The following PTPN12 variants were observed in gnomAD, a reference collection of about 807,000 sequenced individuals.
The protein encoded by PTPN12 is protein tyrosine phosphatase non-receptor type 12, also known as tyrosine-protein phosphatase non-receptor type 12.
PTPN12 carries 29 observed loss-of-function variants against 97.6 expected under a neutral mutation model. The ratio of observed to expected loss-of-function variants is 0.30; its 90% CI spans 0.22 to 0.41. The LOEUF (loss-of-function observed/expected upper bound fraction) is 0.41. Among genes scored for constraint, PTPN12 ranks in the 10% least tolerant of loss-of-function variants. The pLI is 1.00. For synonymous variants in PTPN12, 327 were observed against 300.4 expected, an observed-to-expected ratio of 1.09 and a Z score of -0.91; for missense variants, 819 against 926.0, an observed-to-expected ratio of 0.88 and a Z score of 1.50.
At chr7:77,611,564 C>T (rs1175789009) in intron 11 of PTPN12, among the ~76,000 whole-genome samples, 2 of 152,212 alleles carry the variant, frequency 1.3e-5, no homozygotes, top group East Asian at 3.9e-4. Flanking sequence ...CCTGCCTCAG[C>T]CTCCTGAGTA....
chr7:77,634,743 T>C (rs1404373338), intron 14 of PTPN12, among the ~76,000 whole-genome samples: 2 of 149,830 alleles, frequency 1.3e-5, no homozygotes, highest in Non-Finnish European at 3.0e-5. Context: ...GCCCGGCTAA[T>C]TTTTTTGTAT....
At position 77,551,551 on chromosome 7, in the gene PTPN12, A is replaced by T. The variant is rs183136388; in HGVS notation, c.99+13906A>T. On this transcript the variant is annotated intron_variant, in intron 1 of 17. Coordinates refer to ENST00000248594, the MANE Select transcript of PTPN12 (RefSeq NM_002835.4). The stretch of plus-strand genomic sequence containing the variant: ...TCAGTTAGGGCAAGTGACAAGATGA[A>T]TTTTTTTCTCAAAAATCAATGTGGA... Among the ~76,000 whole-genome samples the T allele has an allele frequency of 6.1e-3, 936 of 152,200 alleles. 5 individuals are homozygous for T. Among genetic ancestry groups the T allele is most frequent in the Middle Eastern group, 0.037 (11 of 294 alleles).
At chr7:77,574,187 A>T (rs1040809657) in intron 2 of PTPN12, among the ~76,000 whole-genome samples, 48 of 152,246 alleles carry the variant, frequency 3.2e-4, no homozygotes, top group African/African-American at 1.1e-3. Flanking sequence ...TGTTATTGAG[A>T]GTGTGGTTCG....
At chr7:77,552,093 A>G (rs1312714893) in intron 1 of PTPN12, among the ~76,000 whole-genome samples, 3 of 152,228 alleles carry the variant, frequency 2.0e-5, no homozygotes, top group Admixed American at 6.5e-5. Flanking sequence ...TTTTAAAATT[A>G]CTTTATAATT....
rs768225925 is a variant in PTPN12 at position 77,626,992 on chromosome 7, T to G, written c.1313T>G (p.Ile438Ser). The change falls in exon 13 of 18, where the codon ATT becomes AGT. Residue 438 changes from isoleucine to serine, a missense_variant. Coordinates refer to ENST00000248594, the MANE Select transcript of PTPN12 (RefSeq NM_002835.4). The stretch of plus-strand genomic sequence containing the variant: ...TTGGAACGAAATTTAAGTTTTGAGA[T>G]TAAGAAGGTCCCTCTCCAAGAGGGA... ...KKLERNLSFE[I>S]KKVPLQEGPK... The G allele has an allele frequency of 1.1e-5, 18 of 1,609,598 alleles. No individual in the cohort carries two copies. In the South Asian group the frequency reaches 1.4e-4, roughly 13 times the overall value.
chr7:77,607,031 A>C (rs1029520062), intron 8 of PTPN12: 3 of 386,722 alleles, frequency 7.8e-6, no homozygotes, highest in African/African-American at 4.2e-5. Flanking sequence ...ATATAGGAAA[A>C]ATCATAGTGT....
chr7:77,623,927 T>G (rs995536320), intron 12 of PTPN12, among the ~76,000 whole-genome samples: 2 of 152,132 alleles, frequency 1.3e-5, no homozygotes, highest in African/African-American at 4.8e-5. Context: ...TATTTTTGTT[T>G]TAGATCGCAA....
At chr7:77,605,960 T>TA in intron 8 of PTPN12, among the ~76,000 whole-genome samples, 1 of 139,718 alleles carries the variant, frequency 7.2e-6, no homozygotes, top group South Asian at 2.4e-4. Flanking sequence ...TTTTTTTTTT[T>TA]TTTTTTTTTT....
rs569459328 is a variant in PTPN12 at position 77,610,983 on chromosome 7, A to G, written c.876A>G (p.Gln292=). ...AACTTGTTCATAGAGCTATTGCCCAACTGTTTGAAAAACAGCTACAACTAT... is the reference window on the plus strand; with the variant it reads ...AACTTGTTCATAGAGCTATTGCCCAGCTGTTTGAAAAACAGCTACAACTAT... ...QYELVHRAIA[Q]LFEKQLQLYE... is the part of the protein sequence containing the mutation. The change falls in exon 11 of 18, where the codon CAA becomes CAG. Residue 292 remains glutamine (Q), a synonymous_variant. Coordinates refer to ENST00000248594, the MANE Select transcript of PTPN12 (RefSeq NM_002835.4). The G allele has an allele frequency of 5.7e-5, 92 of 1,613,426 alleles. No homozygotes were observed. In the South Asian group the frequency reaches 9.5e-4, roughly 17 times the overall value.
chr7:77,544,781 C>T (rs1007246710), intron 1 of PTPN12, among the ~76,000 whole-genome samples: 3 of 152,224 alleles, frequency 2.0e-5, no homozygotes, highest in African/African-American at 4.8e-5. Flanking sequence ...TAATATAGTG[C>T]TTGGCATTTA....
chr7:77,613,250 C>G (rs1788635105), intron 11 of PTPN12, among the ~76,000 whole-genome samples: 2 of 128,732 alleles, frequency 1.6e-5, no homozygotes, highest in Admixed American at 1.8e-4. Context: ...TCTCGGCTCA[C>G]TGCAACCTCT....
intron 8 of PTPN12, among the ~76,000 whole-genome samples, chr7:77,604,625 T>A (rs991135524): frequency 6.6e-6 from 1 of 152,194 alleles, no homozygotes; most frequent in African/African-American, 2.4e-5. Context: ...TACATAAGTT[T>A]CATTTTGTCA....
intron 11 of PTPN12, among the ~76,000 whole-genome samples, chr7:77,613,679 A>AC (rs970206936): frequency 1.3e-5 from 2 of 151,448 alleles, no homozygotes; most frequent in African/African-American, 4.8e-5. Flanking sequence ...ACATGGCAAA[A>AC]CCCCGTCTCT....
intron 3 of PTPN12, among the ~76,000 whole-genome samples, chr7:77,582,796 A>G (rs1315848476): frequency 3.3e-5 from 5 of 152,054 alleles, no homozygotes; most frequent in Non-Finnish European, 7.4e-5. Flanking sequence ...AAAAAAAAAA[A>G]AAAGTTTATG....
intron 1 of PTPN12, among the ~76,000 whole-genome samples, chr7:77,550,790 C>A (rs950163322): frequency 4.6e-5 from 7 of 152,190 alleles, no homozygotes; most frequent in Non-Finnish European, 8.8e-5. Context: ...GAAACACTCT[C>A]ATAATAAGCA....
intron 1 of PTPN12, among the ~76,000 whole-genome samples, chr7:77,540,950 C>T (rs1427335116): frequency 6.6e-6 from 1 of 152,100 alleles, no homozygotes; most frequent in African/African-American, 2.4e-5. Flanking sequence ...AATAATAATG[C>T]CTTACACTTA....
chr7:77,559,238 A>C (rs1480382180), intron 1 of PTPN12, among the ~76,000 whole-genome samples: 1 of 152,184 alleles, frequency 6.6e-6, no homozygotes, highest in Non-Finnish European at 1.5e-5. Flanking sequence ...ATTTCATTAG[A>C]AGAGGATTTT....
At chr7:77,566,323 TAGG>T (rs1404877303) in intron 1 of PTPN12, among the ~76,000 whole-genome samples, 1 of 152,186 alleles carries the variant, frequency 6.6e-6, no homozygotes, top group Non-Finnish European at 1.5e-5. Context: ...GATAGACACA[TAGG>T]AGAGTTTTTA....
Position 77,616,590 on chromosome 7 carries a change from T to A in PTPN12, c.940-1890T>A, listed in dbSNP as rs138290749. On this transcript the variant is annotated intron_variant, in intron 11 of 17. Coordinates refer to ENST00000248594, the MANE Select transcript of PTPN12 (RefSeq NM_002835.4). ...AAATATTTCATTGACATGACATGAG[T>A]TTATGTGTGCTACAAAAGAAAAATG... 3.3e-5 allele frequency among the ~76,000 whole-genome samples: 5 copies of A among 152,256 alleles called. No homozygotes were observed. In the East Asian group the frequency reaches 9.6e-4, roughly 29 times the overall value.
Sources: gnomAD v4.1 joint callset for allele counts (sites outside exome capture counted in the v4.1 genomes callset) on GRCh38, gnomAD v4.1.1 for gene constraint, MANE v1.5 for transcripts, NCBI Gene and HGNC (gene_info 2026-07-23, HGNC 2026-07-21) for gene names.